Variants in AUTS2 observed in about 807,000 individuals in gnomAD.
AUTS2 encodes the protein autism susceptibility gene 2 protein.
In AUTS2, 17 loss-of-function variants were observed where a neutral mutation model predicts 112.4. The observed-to-expected ratio is 0.15, with a 90% CI of 0.10 to 0.23. AUTS2 has a LOEUF of 0.23. Among genes scored for constraint, AUTS2 ranks in the 10% least tolerant of loss-of-function variants. The pLI is 1.00. For synonymous variants in AUTS2, 751 were observed against 702.7 expected (o/e 1.07, Z -1.09); for missense variants, 1,510 against 1,701.6 (o/e 0.89, Z 1.98).
chr7:70,069,001 C>A (rs920754125), intron 2 of AUTS2, among the ~76,000 whole-genome samples: 3 of 152,188 alleles, frequency 2.0e-5, no homozygotes, highest in East Asian at 1.9e-4. Flanking sequence ...CATCTTAATG[C>A]GTCCATATAA....
At chr7:70,518,883 T>C (rs771490991) in intron 5 of AUTS2, among the ~76,000 whole-genome samples, 8 of 152,016 alleles carry the variant, frequency 5.3e-5, no homozygotes, top group Non-Finnish European at 1.0e-4. Flanking sequence ...TTTGCATTTT[T>C]AGTAGAGACG....
chr7:70,402,408 C>T (rs905574993), intron 4 of AUTS2, among the ~76,000 whole-genome samples: 10 of 152,176 alleles, frequency 6.6e-5, no homozygotes, highest in Non-Finnish European at 1.5e-4. Flanking sequence ...GAAGCTGACG[C>T]AGAATCACAG....
At chr7:70,553,935 T>A (rs1273255216) in intron 5 of AUTS2, among the ~76,000 whole-genome samples, 1 of 147,362 alleles carries the variant, frequency 6.8e-6, no homozygotes, top group African/African-American at 2.5e-5. Flanking sequence ...ACCCAACTCA[T>A]TTTTTTTTGT....
chr7:70,071,753 C>A (rs1446617036), intron 2 of AUTS2, among the ~76,000 whole-genome samples: 3 of 152,200 alleles, frequency 2.0e-5, no homozygotes, highest in Admixed American at 6.5e-5. Flanking sequence ...GAATCTCTAT[C>A]CCCATCAGAT....
At chr7:70,590,815 A>C (rs1291359450) in intron 5 of AUTS2, among the ~76,000 whole-genome samples, 1 of 152,194 alleles carries the variant, frequency 6.6e-6, no homozygotes, top group African/African-American at 2.4e-5. Flanking sequence ...AAACTCTCCC[A>C]ATAAGCAAAA....
At chr7:70,517,212 T>C (rs1464086388) in intron 5 of AUTS2, among the ~76,000 whole-genome samples, 2 of 152,214 alleles carry the variant, frequency 1.3e-5, no homozygotes, top group Admixed American at 6.5e-5. Context: ...GGATTCTTTC[T>C]TCTGTATATG....
chr7:70,123,849 C>A (rs1805818444), intron 3 of AUTS2, among the ~76,000 whole-genome samples: 1 of 152,054 alleles, frequency 6.6e-6, no homozygotes, highest in Non-Finnish European at 1.5e-5. Flanking sequence ...GATTTATATT[C>A]TTCTGGGTTT....
At chr7:70,690,557 G>A (rs143393965) in intron 5 of AUTS2, among the ~76,000 whole-genome samples, 4 of 152,250 alleles carry the variant, frequency 2.6e-5, no homozygotes, top group East Asian at 3.9e-4. Flanking sequence ...TGTATAAAAC[G>A]CTTAACAGAA....
chr7:69,973,867 C>T (rs534063198), intron 2 of AUTS2, among the ~76,000 whole-genome samples: 2 of 152,070 alleles, frequency 1.3e-5, no homozygotes, highest in African/African-American at 4.8e-5. Flanking sequence ...TGCATCTGTA[C>T]TTACGAGAAA....
intron 18 of AUTS2, among the ~76,000 whole-genome samples, chr7:70,788,084 G>T (rs1189450480): frequency 1.3e-5 from 2 of 151,910 alleles, no homozygotes; most frequent in East Asian, 3.9e-4. Flanking sequence ...GGAATGTCTT[G>T]GAGTTTTTTT....
chr7:70,526,104 A>G (rs1035958564), intron 5 of AUTS2, among the ~76,000 whole-genome samples: 2 of 152,158 alleles, frequency 1.3e-5, no homozygotes, highest in African/African-American at 2.4e-5. Flanking sequence ...CCCACATCTA[A>G]TGAGTCACCC....
chr7:70,630,291 A>G (rs1217140304), intron 5 of AUTS2, among the ~76,000 whole-genome samples: 1 of 151,828 alleles, frequency 6.6e-6, no homozygotes, highest in Non-Finnish European at 1.5e-5. Flanking sequence ...CATCATTTTC[A>G]TCTCGGTTGT....
intron 6 of AUTS2, among the ~76,000 whole-genome samples, chr7:70,731,525 G>T (rs1341591181): frequency 1.4e-5 from 2 of 142,954 alleles, no homozygotes; most frequent in Admixed American, 1.5e-4. Context: ...TGCCTCCCGG[G>T]TTCATGCCAT....
intron 5 of AUTS2, among the ~76,000 whole-genome samples, chr7:70,575,591 T>G (rs1802129813): frequency 6.6e-6 from 1 of 152,230 alleles, no homozygotes; most frequent in African/African-American, 2.4e-5. Context: ...TTCAATACCA[T>G]AATGGCATTC....
intron 1 of AUTS2, among the ~76,000 whole-genome samples, chr7:69,884,133 AAGGTAGAT>A (rs1481572250): frequency 6.6e-6 from 1 of 152,198 alleles, no homozygotes; most frequent in Non-Finnish European, 1.5e-5. Context: ...CACAGTTTCT[AAGGTAGAT>A]ACCTGTGAGG....
intron 4 of AUTS2, among the ~76,000 whole-genome samples, chr7:70,396,730 G>T (rs903360210): frequency 2.0e-5 from 3 of 152,052 alleles, no homozygotes; most frequent in African/African-American, 4.8e-5. Flanking sequence ...TCTTTCTTTC[G>T]CTGAGTAGTG....
At chr7:70,678,047 A>C (rs1291087159) in intron 5 of AUTS2, among the ~76,000 whole-genome samples, 1 of 152,066 alleles carries the variant, frequency 6.6e-6, no homozygotes. Flanking sequence ...GTGCCACTGC[A>C]CTCCAGCCTG....
intron 5 of AUTS2, among the ~76,000 whole-genome samples, chr7:70,510,380 A>G (rs928209078): frequency 5.3e-5 from 8 of 152,178 alleles, no homozygotes; most frequent in Non-Finnish European, 1.2e-4. Context: ...TCCCTTTCCT[A>G]TAGGGCAGAG....
At chr7:70,122,502 G>T (rs1286385168) in intron 3 of AUTS2, among the ~76,000 whole-genome samples, 1 of 151,654 alleles carries the variant, frequency 6.6e-6, no homozygotes, top group Admixed American at 6.6e-5. Context: ...CTTCATTATG[G>T]GTCATATTTT....
Sources: gnomAD v4.1 joint callset for allele counts (sites outside exome capture counted in the v4.1 genomes callset) on GRCh38, gnomAD v4.1.1 for gene constraint, MANE v1.5 for transcripts, NCBI Gene and HGNC (gene_info 2026-07-23, HGNC 2026-07-21) for gene names.